Variants in CAPN14 observed in about 807,000 individuals in gnomAD.
CAPN14 encodes calpain-14.
In CAPN14, 94 loss-of-function variants were observed where a neutral mutation model predicts 101.3. That is an observed-to-expected ratio of 0.93 (90% confidence interval 0.79 to 1.10). The LOEUF is 1.10. CAPN14 is among the 50% of genes least tolerant of loss of function. The probability of loss-of-function intolerance (pLI) is 0.00; values close to 1 mark genes in which losing one functional copy is unlikely to be tolerated. For missense variants in CAPN14, 837 were observed against 828.4 expected, an observed-to-expected ratio of 1.01 and a Z score of -0.13; for synonymous variants, 338 against 317.9, an observed-to-expected ratio of 1.06 and a Z score of -0.67.
rs1271311430 is a variant in CAPN14 at position 31,174,507 on chromosome 2, C to G, written c.*174G>C. 1 of 639,310 alleles carries G rather than the reference C, an allele frequency of 1.6e-6. No individual in the cohort carries two copies. The highest frequency in any genetic ancestry group is 1.9e-5 in the South Asian group (1 of 52,594). The allele number at this position is 639,310 out of a possible 1,614,324, so 39.6% of individuals were successfully genotyped here. On this transcript the variant is annotated 3_prime_UTR_variant, in exon 22 of 22. Coordinates refer to ENST00000403897, the MANE Select transcript of CAPN14 (RefSeq NM_001145122.2). ...ACTTCCTCCCTTCCCTTTCTGCATG[C>G]TGGCCATGCACGGGGAGGGCTGCAG... is the stretch of plus-strand genomic sequence containing the variant.
intron 1 of CAPN14, among the ~76,000 whole-genome samples, chr2:31,229,986 T>C (rs1053235908): frequency 2.0e-5 from 3 of 152,230 alleles, no homozygotes; most frequent in East Asian, 1.9e-4. Flanking sequence ...TTGGCATAGG[T>C]AGCACCACTT....
chr2:31,186,368 C>T, intron 16 of CAPN14, 60 bp downstream of exon 16: 3 of 1,237,012 alleles, frequency 2.4e-6, no homozygotes, highest in African/African-American at 3.1e-5. Flanking sequence ...AGAAACAAAG[C>T]CAGAGTTTAG....
At chr2:31,192,958 G>A (rs1011747614) in intron 10 of CAPN14, among the ~76,000 whole-genome samples, 173 bp downstream of exon 10, 1 of 152,060 alleles carries the variant, frequency 6.6e-6, no homozygotes, top group Non-Finnish European at 1.5e-5. Flanking sequence ...GGGTCCAAAG[G>A]TACCCCATCT....
In CAPN14 at chr2:31,205,192, G is replaced by A. The variant is rs761662770; in HGVS notation, c.225+31C>T. ...TCTGAAAGCCCTAAACCCTGGGGAA[G>A]GAGGGTCTGGGCTGACACATTTTGC... On this transcript the variant is annotated intron_variant, in intron 2 of 21. Transcript: ENST00000403897. 5 of 1,535,154 alleles carry A rather than the reference G, an allele frequency of 3.3e-6. No homozygotes were observed. In the South Asian group the frequency reaches 6.0e-5, roughly 18 times the overall value.
intron 21 of CAPN14, among the ~76,000 whole-genome samples, 185 bp from the exon 22 acceptor site, chr2:31,174,892 T>C: frequency 6.6e-6 from 1 of 152,226 alleles, no homozygotes; most frequent in East Asian, 1.9e-4. Context: ...CTTCTCACGG[T>C]GCCTATGAAT....
At chr2:31,188,797 G>C (rs1324785892) in intron 13 of CAPN14, among the ~76,000 whole-genome samples, 1 of 152,180 alleles carries the variant, frequency 6.6e-6, no homozygotes, top group East Asian at 1.9e-4. Context: ...AAGCCTGCTA[G>C]TTCATGACAG....
intron 20 of CAPN14, 85 bp from the exon 21 acceptor site, chr2:31,176,727 AC>A: frequency 8.0e-7 from 1 of 1,249,610 alleles, no homozygotes; most frequent in East Asian, 2.5e-5. Flanking sequence ...TCTCACCTTA[AC>A]CACATCCATT....
At chr2:31,204,911 C>A (rs1257334873) in intron 2 of CAPN14, among the ~76,000 whole-genome samples, 1 of 152,164 alleles carries the variant, frequency 6.6e-6, no homozygotes, top group African/African-American at 2.4e-5. Flanking sequence ...CAACCTGGGA[C>A]TTGTGATTGC....
upstream of CAPN14, among the ~76,000 whole-genome samples, chr2:31,219,159 C>T (rs969947799): frequency 2.6e-5 from 4 of 152,058 alleles, no homozygotes; most frequent in Admixed American, 2.6e-4. Context: ...TTATGGTCAC[C>T]ACTGGGCTTA....
chr2:31,212,080 G>A (rs1279587777), intron 1 of CAPN14, among the ~76,000 whole-genome samples: 1 of 152,116 alleles, frequency 6.6e-6, no homozygotes, highest in Non-Finnish European at 1.5e-5. Context: ...TACCTTGGGA[G>A]GCCAAGATCA....
chr2:31,190,453 A>G (rs912671189), intron 12 of CAPN14, among the ~76,000 whole-genome samples: 2 of 152,200 alleles, frequency 1.3e-5, no homozygotes, highest in Admixed American at 1.3e-4. Flanking sequence ...GCTACTAGGA[A>G]TCTCAGAGCT....
intron 10 of CAPN14, 32 bp downstream of exon 10, chr2:31,193,099 C>A: frequency 1.3e-6 from 2 of 1,534,578 alleles, no homozygotes; most frequent in Non-Finnish European, 1.8e-6. Flanking sequence ...ACAACCTCAC[C>A]CTGAGAGCCC....
At position 31,193,195 on chromosome 2, in the gene CAPN14, G is replaced by A. The variant is rs1681290937; in HGVS notation, c.1050C>T (p.Tyr350=). 6.4e-7 allele frequency: 1 copy of A among 1,551,530 alleles called. No individual in the cohort carries two copies. The highest frequency in any genetic ancestry group is 8.7e-7 in the Non-Finnish European group (1 of 1,147,024). Residue 350 remains tyrosine, a synonymous_variant, in exon 10 of 22, where the codon TAC becomes TAT. Transcript: ENST00000403897. ...LSQEAAQKWT[Y]TMREGRWEKR... is the part of the protein sequence containing the mutation. ...TCTCCCATCTCCCCTCCCGCATGGT[G>A]TACGTCCACTTCTGGGCCGCCTCCT...
At chr2:31,200,421 G>A (rs1185732462) in intron 6 of CAPN14, 30 bp downstream of exon 6, 1 of 1,535,334 alleles carries the variant, frequency 6.5e-7, no homozygotes, top group Non-Finnish European at 8.8e-7. Flanking sequence ...AGGAGAAGAG[G>A]ACATTCTGCC....
chr2:31,189,257 G>C lies in CAPN14; in HGVS notation c.1493+16C>G, dbSNP rs897372736. On this transcript the variant is annotated intron_variant, in intron 13 of 21. Transcript: ENST00000403897. ...CAAGTGGTCCCCACCCTCTAGGAGA[G>C]ACCTTGTGTCCTTACTAAAAGATGT... 8 of 1,549,568 alleles carry C rather than the reference G, an allele frequency of 5.2e-6. No individual in the cohort carries two copies. The Admixed American group carries it at 1.6e-4, about 30-fold the overall frequency.
rs557092023 is a variant in CAPN14, at chr2:31,192,001, G to A, written c.1212C>T (p.Leu404=). The change falls in exon 11 of 22, where the codon CTC becomes CTT. Residue 404 remains leucine, a synonymous_variant. Coordinates refer to ENST00000403897, the MANE Select transcript of CAPN14 (RefSeq NM_001145122.2). ...LRPCSVLVSL[L]QKPRHRCRKR... ...TGCGGCACCTGTGCCTGGGCTTCTG[G>A]AGCAGGGACACCAGCACGCTGCAGG... 5 of 1,551,526 alleles carry A rather than the reference G, an allele frequency of 3.2e-6. No individual in the cohort carries two copies. The highest frequency in any genetic ancestry group is 2.7e-5 in the African/African-American group (2 of 73,060).
chr2:31,216,916 A>AT (rs1261329276), intron 1 of CAPN14, among the ~76,000 whole-genome samples: 2 of 152,196 alleles, frequency 1.3e-5, no homozygotes, highest in Non-Finnish European at 2.9e-5. Context: ...TCACCGTCCC[A>AT]GTGTGTTTTT....
chr2:31,223,542 C>CTTT (rs35488335), intron 2 of CAPN14, among the ~76,000 whole-genome samples: 3,729 of 132,000 alleles, frequency 0.028, 147 homozygotes, highest in African/African-American at 0.08. Context: ...TTTTTCTTTT[C>CTTT]TTTTTTTTTT....
chr2:31,205,115 G>A, intron 2 of CAPN14, 108 bp downstream of exon 2: 2 of 891,282 alleles, frequency 2.2e-6, no homozygotes. Flanking sequence ...GAGTGGAGAG[G>A]AGAGAGTAGG....
Sources: gnomAD v4.1 joint callset for allele counts (sites outside exome capture counted in the v4.1 genomes callset) on GRCh38, gnomAD v4.1.1 for gene constraint, MANE v1.5 for transcripts, NCBI Gene and HGNC (gene_info 2026-07-23, HGNC 2026-07-21) for gene names.